The following LCLAT1 variants were observed in gnomAD, a reference collection of about 807,000 sequenced individuals.
The protein encoded by LCLAT1 is lysocardiolipin acyltransferase 1.
In LCLAT1, 11 loss-of-function variants were observed where a neutral mutation model predicts 30.7. The observed-to-expected ratio is 0.36, with a 90% CI of 0.23 to 0.59. The LOEUF (loss-of-function observed/expected upper bound fraction) is 0.59, where lower values mean the gene tolerates loss of function less well. Among genes scored for constraint, LCLAT1 ranks in the 20% least tolerant of loss-of-function variants. The pLI is 0.77. For missense variants in LCLAT1, 402 were observed against 458.6 expected, an observed-to-expected ratio of 0.88 and a Z score of 1.13; for synonymous variants, 155 against 151.3, an observed-to-expected ratio of 1.02 and a Z score of -0.18.
At chr2:30,610,998 T>TC (rs747254380) in intron 5 of LCLAT1, among the ~76,000 whole-genome samples, 1 of 151,984 alleles carries the variant, frequency 6.6e-6, no homozygotes, top group African/African-American at 2.4e-5. Flanking sequence ...TGTTTTTTTT[T>TC]CACTTCTTCC....
At chr2:30,586,183 G>A (rs1666427454) in intron 5 of LCLAT1, among the ~76,000 whole-genome samples, 1 of 148,136 alleles carries the variant, frequency 6.8e-6, no homozygotes, top group East Asian at 2.0e-4. Flanking sequence ...GGCGGAGCTT[G>A]CGAAGCCGAG....
intron 5 of LCLAT1, among the ~76,000 whole-genome samples, chr2:30,601,818 A>ATATC (rs1385337628): frequency 6.6e-6 from 1 of 151,906 alleles, no homozygotes; most frequent in Non-Finnish European, 1.5e-5. Context: ...CATGTCATAT[A>ATATC]TATCTATAGA....
At chr2:30,530,597 G>A (rs551167326) in intron 2 of LCLAT1, among the ~76,000 whole-genome samples, 17 of 152,322 alleles carry the variant, frequency 1.1e-4, no homozygotes, top group Admixed American at 7.8e-4. Flanking sequence ...CCCAGCTGGA[G>A]TGTAGTGGTG....
intron 1 of LCLAT1, among the ~76,000 whole-genome samples, chr2:30,488,479 A>ATGGCACTGACTG (rs1326841929): frequency 6.6e-6 from 1 of 152,254 alleles, no homozygotes. Context: ...CAATTGCCTG[A>ATGGCACTGACTG]TGGCACTGAC....
At chr2:30,604,842 A>G (rs1667357703) in intron 5 of LCLAT1, among the ~76,000 whole-genome samples, 1 of 152,208 alleles carries the variant, frequency 6.6e-6, no homozygotes, top group South Asian at 2.1e-4. Flanking sequence ...AAGGAGTGGG[A>G]GTCCCAGAGG....
chr2:30,576,561 G>A (rs1390340379), intron 5 of LCLAT1, among the ~76,000 whole-genome samples: 1 of 152,002 alleles, frequency 6.6e-6, no homozygotes, highest in African/African-American at 2.4e-5. Flanking sequence ...CTCAGCAAAG[G>A]TGAGATTTTG....
At chr2:30,496,005 G>A (rs1684092172) in intron 1 of LCLAT1, among the ~76,000 whole-genome samples, 1 of 152,116 alleles carries the variant, frequency 6.6e-6, no homozygotes. Flanking sequence ...GGTGCCACAG[G>A]CTGTACAGGA....
chr2:30,507,838 G>T lies in LCLAT1; in HGVS notation c.-4-17749G>T, dbSNP rs568462694. ...TGGGTATATATCCAGTAAGGGGTCT[G>T]TGGGTTTTTAGGTCTTTGCAGAATT... is the stretch of plus-strand genomic sequence containing the variant. On this transcript the variant is annotated intron_variant, in intron 1 of 5. Coordinates refer to ENST00000379509, the MANE Select transcript of LCLAT1 (RefSeq NM_001002257.3). Among the ~76,000 whole-genome samples, 8 of 152,042 alleles carry T rather than the reference G, an allele frequency of 5.3e-5. No homozygotes were observed. In the South Asian group the frequency reaches 1.7e-3, roughly 32 times the overall value.
At chr2:30,634,913 C>T (rs541959177) in intron 5 of LCLAT1, among the ~76,000 whole-genome samples, 2 of 152,336 alleles carry the variant, frequency 1.3e-5, no homozygotes, top group Admixed American at 6.5e-5. Context: ...GTTCCCTATA[C>T]GGAGAAGCTC....
At chr2:30,589,318 A>G (rs764448485) in intron 5 of LCLAT1, among the ~76,000 whole-genome samples, 4 of 152,212 alleles carry the variant, frequency 2.6e-5, no homozygotes, top group Admixed American at 6.5e-5. Flanking sequence ...CACAATTACA[A>G]TAGTTCCTCT....
At chr2:30,602,214 A>G (rs1456439011) in intron 5 of LCLAT1, among the ~76,000 whole-genome samples, 1 of 152,184 alleles carries the variant, frequency 6.6e-6, no homozygotes, top group East Asian at 1.9e-4. Flanking sequence ...TGCTGCTTGT[A>G]GCTGTGTTAA....
intron 1 of LCLAT1, among the ~76,000 whole-genome samples, chr2:30,516,821 G>T (rs777756978): frequency 2.6e-5 from 4 of 152,166 alleles, no homozygotes; most frequent in Non-Finnish European, 5.9e-5. Context: ...GGCAGCTGTT[G>T]ACCATTTAAA....
chr2:30,639,224 C>T (rs887719795), intron 5 of LCLAT1, among the ~76,000 whole-genome samples: 37 of 152,308 alleles, frequency 2.4e-4, no homozygotes, highest in African/African-American at 8.2e-4. Flanking sequence ...ACTACCCCAC[C>T]TCATTCCTCT....
intron 5 of LCLAT1, among the ~76,000 whole-genome samples, chr2:30,597,244 A>G (rs367576288): frequency 3.0e-4 from 45 of 151,558 alleles, no homozygotes; most frequent in African/African-American, 1.1e-3. Flanking sequence ...AGTATGGCCA[A>G]TTTCACGATA....
chr2:30,547,878 C>G (rs1265262135), intron 3 of LCLAT1, among the ~76,000 whole-genome samples: 1 of 151,996 alleles, frequency 6.6e-6, no homozygotes, highest in African/African-American at 2.4e-5. Flanking sequence ...CCTATTTCAC[C>G]AAGCCATAAG....
At chr2:30,542,433 A>C (rs1248444783) in intron 3 of LCLAT1, among the ~76,000 whole-genome samples, 1 of 152,096 alleles carries the variant, frequency 6.6e-6, no homozygotes, top group East Asian at 1.9e-4. Flanking sequence ...AAGTCTACCC[A>C]CTATCCACTC....
At chr2:30,553,274 G>A (rs1429829957) in intron 3 of LCLAT1, among the ~76,000 whole-genome samples, 1 of 152,156 alleles carries the variant, frequency 6.6e-6, no homozygotes, top group Non-Finnish European at 1.5e-5. Context: ...CTTGGTAAAA[G>A]GGAATGTAAG....
chr2:30,552,183 G>C (rs1343198743), intron 3 of LCLAT1, among the ~76,000 whole-genome samples: 1 of 152,204 alleles, frequency 6.6e-6, no homozygotes, highest in African/African-American at 2.4e-5. Context: ...AGCTCATTTA[G>C]AAAATTGGTC....
intron 5 of LCLAT1, among the ~76,000 whole-genome samples, chr2:30,633,205 T>TA (rs1490418440): frequency 1.3e-5 from 2 of 152,212 alleles, no homozygotes; most frequent in Non-Finnish European, 2.9e-5. Context: ...CTTTTCTTTT[T>TA]AATTTGAAAA....
Sources: allele counts gnomAD v4.1 joint callset (sites outside exome capture counted in the v4.1 genomes callset), GRCh38; gene constraint gnomAD v4.1.1; transcripts MANE v1.5; gene names NCBI Gene and HGNC (gene_info 2026-07-23, HGNC 2026-07-21).